The following UBE3B variants were observed in gnomAD, a reference collection of about 807,000 sequenced individuals.
UBE3B encodes ubiquitin protein ligase E3B, also known as ubiquitin-protein ligase E3B.
Under a neutral mutation model 132.3 loss-of-function variants are expected in UBE3B, and 80 were observed. That is an observed-to-expected ratio of 0.60 (90% CI 0.50 to 0.73). The LOEUF (loss-of-function observed/expected upper bound fraction) is 0.73. UBE3B is among the 30% of genes least tolerant of loss of function. The pLI is 0.00. For missense variants in UBE3B, 1,196 were observed against 1,362.5 expected (o/e 0.88, Z 1.92); for synonymous variants, 487 against 520.4 (o/e 0.94, Z 0.87).
chr12:109,503,272 G>A, intron 14 of UBE3B, 82 bp downstream of exon 14: 2 of 1,540,754 alleles, frequency 1.3e-6, no homozygotes, highest in African/African-American at 1.4e-5. Context: ...TTTTTTTCTG[G>A]CTTCTTTGAC....
Position 109,501,496 on chromosome 12 carries a change from C to G in UBE3B, c.1244C>G (p.Ala415Gly). 6.2e-7 allele frequency: 1 copy of G among 1,614,188 alleles called. No homozygotes were observed. Among genetic ancestry groups the G allele is most frequent in the Non-Finnish European group, 8.5e-7 (1 of 1,180,020 alleles). Residue 415 changes from alanine (A) to glycine (G), a missense_variant, in exon 13 of 28, where the codon GCA becomes GGA. Ala to Gly is a moderately conservative substitution (Grantham distance 60). Coordinates refer to ENST00000342494, the MANE Select transcript of UBE3B (RefSeq NM_130466.4). ...CTGGAGAGCCAGGAGCCAGCCCACG[C>G]ACAGCCAGCATCCCCTCAGAATGTG... ...KLLESQEPAH[A>G]QPASPQNVLP...
Position 109,491,067 on chromosome 12 carries a change from C to G in UBE3B, c.653C>G (p.Ala218Gly), listed in dbSNP as rs1422151406. 1 of 1,613,870 alleles carries G rather than the reference C, an allele frequency of 6.2e-7. No homozygotes were observed. Residue 218 changes from alanine (A) to glycine (G), a missense_variant, in exon 9 of 28, where the codon GCA becomes GGA. Transcript: ENST00000342494. ...CAGATATTGTTAACCCGTGGCCTGGCAAGACCCCGTCCTTGTCTATCCAAA... is the reference window on the plus strand; with the variant it reads ...CAGATATTGTTAACCCGTGGCCTGGGAAGACCCCGTCCTTGTCTATCCAAA... ...VLQILLTRGLARPRPCLSKGT... is the reference protein window; with the variant it reads ...VLQILLTRGLGRPRPCLSKGT...
chr12:109,498,101 C>T (rs1023849317), intron 10 of UBE3B, 132 bp from the exon 11 acceptor site: 18 of 1,413,464 alleles, frequency 1.3e-5, no homozygotes, highest in Non-Finnish European at 1.7e-5. Context: ...GGGTTCTTGT[C>T]TGTCCATTTT....
intron 18 of UBE3B, 47 bp downstream of exon 18, chr12:109,511,350 C>G (rs755107792): frequency 3.2e-6 from 5 of 1,564,468 alleles, no homozygotes; most frequent in Admixed American, 1.7e-5. Context: ...TCTATTCCCC[C>G]ACGTGGTTCC....
the UBE3B span, among the ~76,000 whole-genome samples, chr12:109,542,924 T>A: frequency 2.0e-5 from 3 of 152,178 alleles, no homozygotes; most frequent in Admixed American, 2.0e-4. Context: ...CAGACAGATT[T>A]GTCACACACC....
chr12:109,503,450 T>C lies in UBE3B; in HGVS notation c.1450+260T>C, dbSNP rs141058225. On this transcript the variant is annotated intron_variant, in intron 14 of 27. Coordinates refer to ENST00000342494, the MANE Select transcript of UBE3B (RefSeq NM_130466.4). ...GTAGAATTTACTTTTAAAAAGTTTC[T>C]GTTTTCTGAGTAAAGAAGCAAAAAA... Among the ~76,000 whole-genome samples, 248 of 152,208 alleles carry C rather than the reference T, an allele frequency of 1.6e-3. 1 individual carries two copies. The highest frequency in any genetic ancestry group is 5.8e-3 in the African/African-American group (242 of 41,500).
rs541830935 is a variant in UBE3B at position 109,535,284 on chromosome 12, C to T, written c.*502C>T. ...ATGCACCCCACAAAGTTTCTGCCTC[C>T]ATGCCGTCCACAGCGCCTCTTCCCA... On this transcript the variant is annotated 3_prime_UTR_variant, in exon 28 of 28. Transcript: ENST00000342494. 1 of 152,502 alleles carries T rather than the reference C, an allele frequency of 6.6e-6. No homozygotes were observed. The highest frequency in any genetic ancestry group is 6.5e-5 in the Admixed American group (1 of 15,306). 9.4% of individuals were successfully genotyped at this position (152,502 alleles called of 1,614,324 possible).
chr12:109,499,516 G>A (rs969426422), intron 11 of UBE3B, 117 bp from the exon 12 acceptor site: 8 of 1,061,226 alleles, frequency 7.5e-6, no homozygotes, highest in South Asian at 2.3e-5. Flanking sequence ...TGCCCCTTAT[G>A]TGGAAATTTC....
At chr12:109,518,000 T>C in intron 19 of UBE3B, 1 of 419,486 alleles carries the variant, frequency 2.4e-6, no homozygotes, top group Non-Finnish European at 5.0e-6. Flanking sequence ...TGGATGTTTC[T>C]GACATTCTTC....
At chr12:109,506,621 G>A (rs1194274534) in intron 14 of UBE3B, among the ~76,000 whole-genome samples, 1 of 152,218 alleles carries the variant, frequency 6.6e-6, no homozygotes, top group African/African-American at 2.4e-5. Context: ...AGAGTGCTGG[G>A]ATTACAGGCG....
chr12:109,539,314 G>A (rs1264760351), downstream of UBE3B, among the ~76,000 whole-genome samples: 4 of 152,222 alleles, frequency 2.6e-5, no homozygotes, highest in African/African-American at 9.6e-5. Context: ...CCTCTGGAGC[G>A]TGGGGTCAGA....
the UBE3B span, among the ~76,000 whole-genome samples, chr12:109,546,129 T>A: frequency 6.6e-6 from 1 of 152,112 alleles, no homozygotes; most frequent in Non-Finnish European, 1.5e-5. Context: ...GGGAACGGGT[T>A]CCATTAGGTG....
Position 109,534,370 on chromosome 12 carries a change from A to G in UBE3B, c.3016-221A>G, listed in dbSNP as rs559307398. 2.3e-5 allele frequency: 32 copies of G among 1,416,824 alleles called. No individual in the cohort carries two copies. The South Asian group carries it at 4.3e-4, about 19-fold the overall frequency. 87.8% of individuals were successfully genotyped at this position (1,416,824 alleles called of 1,614,324 possible). A position where few individuals can be genotyped will look rare whatever the true frequency, so the allele number is the denominator to read the frequency against. On this transcript the variant is annotated intron_variant, in intron 27 of 27. Coordinates refer to ENST00000342494, the MANE Select transcript of UBE3B (RefSeq NM_130466.4). The surrounding 1 kb of genome is among the most constrained non-coding windows in gnomAD (Gnocchi z 5.2). ...TTCCAAAAGCTTACTTAGTGCAGGA[A>G]TTCTCTGTGCAGGCCCCAGGGAGAA...
chr12:109,495,187 T>G (rs922317351), intron 9 of UBE3B, among the ~76,000 whole-genome samples: 2 of 152,218 alleles, frequency 1.3e-5, no homozygotes, highest in Non-Finnish European at 2.9e-5. Flanking sequence ...TTCAGCTTCA[T>G]AAAACATCCT....
chr12:109,524,107 T>G lies in UBE3B; in HGVS notation c.2494T>G (p.Ser832Ala). Residue 832 changes from serine (S) to alanine (A), a missense_variant, in exon 22 of 28, where the codon TCC becomes GCC. Transcript: ENST00000342494. ...LDSEFYKNLT[S>A]IKRYDGDITD... ...CTCCGAGTTCTATAAAAACCTCACC[T>G]CCATCAAGGTGAGCATGGAATGGTG... The G allele has an allele frequency of 1.2e-6, 2 of 1,614,032 alleles. No homozygotes were observed. The highest frequency in any genetic ancestry group is 1.7e-6 in the Non-Finnish European group (2 of 1,179,992).
intron 14 of UBE3B, 61 bp downstream of exon 14, chr12:109,503,251 A>T: frequency 6.4e-7 from 1 of 1,571,360 alleles, no homozygotes; most frequent in South Asian, 1.2e-5. Flanking sequence ...TTGTCTTAGC[A>T]AAAGTCGATG....
intron 26 of UBE3B, among the ~76,000 whole-genome samples, chr12:109,532,708 C>T (rs537452720): frequency 3.9e-5 from 6 of 152,318 alleles, no homozygotes; most frequent in Admixed American, 1.3e-4. Flanking sequence ...TGGAGAACGC[C>T]GGGAGTTCCC....
intron 19 of UBE3B, chr12:109,520,857 A>G: frequency 6.9e-6 from 2 of 290,410 alleles, no homozygotes; most frequent in Non-Finnish European, 1.3e-5. Context: ...TCTGATGGCC[A>G]GGAGCTTGTC....
At chr12:109,533,980 C>G (rs2136151613) in intron 27 of UBE3B, 1 of 1,300,152 alleles carries the variant, frequency 7.7e-7, no homozygotes, top group Middle Eastern at 2.1e-4. Flanking sequence ...GCTTCATTTC[C>G]TCATTGGCCA....
Sources: gnomAD v4.1 joint callset for allele counts (sites outside exome capture counted in the v4.1 genomes callset) on GRCh38, gnomAD v4.1.1 for gene constraint, Gnocchi (gnomAD v3.1) non-coding constraint, MANE v1.5 for transcripts, NCBI Gene and HGNC (gene_info 2026-07-23, HGNC 2026-07-21) for gene names.